Variants in SHISA5 observed in about 807,000 individuals in gnomAD.
SHISA5 encodes the protein shisa family member 5, also known as protein shisa-5.
Under a neutral mutation model 27.5 loss-of-function variants are expected in SHISA5, and 21 were observed. The observed-to-expected ratio is 0.76, with a 90% CI of 0.54 to 1.10. SHISA5 has a LOEUF of 1.10. SHISA5 is among the 50% of genes least tolerant of loss of function. The pLI is 0.00. For synonymous variants in SHISA5, 137 were observed against 142.2 expected, an observed-to-expected ratio of 0.96 and a Z score of 0.26; for missense variants, 314 against 336.3, an observed-to-expected ratio of 0.93 and a Z score of 0.52.
chr3:48,469,795 G>A lies in SHISA5; in HGVS notation c.363C>T (p.Val121=), dbSNP rs372738557. ...AVGLTIFVLS[V]VTIIICFTCS... The stretch of plus-strand genomic sequence containing the variant: ...AGGTGAAGCAGATGATGATAGTGAC[G>A]ACAGACAGCACAAAGATGGTCAGGC... Residue 121 remains valine (V), a synonymous_variant, in exon 4 of 6, where the codon GTC becomes GTT. Coordinates refer to ENST00000296444, the MANE Select transcript of SHISA5 (RefSeq NM_016479.6). The surrounding 1 kb of genome is among the most constrained non-coding windows in gnomAD (Gnocchi z 4.6). The A allele has an allele frequency of 8.7e-6, 14 of 1,613,978 alleles. No individual in the cohort carries two copies. The highest frequency in any genetic ancestry group is 6.7e-5 in the Admixed American group (4 of 59,984).
rs2040700800 is a variant in SHISA5, at chr3:48,473,127, C to A, written c.315-3284G>T. 4.8e-6 allele frequency: 7 copies of A among 1,470,940 alleles called. No individual in the cohort carries two copies. Among genetic ancestry groups the A allele is most frequent in the South Asian group, 2.7e-5 (2 of 74,648 alleles). The allele number at this position is 1,470,940 out of a possible 1,614,324, so 91.1% of individuals were successfully genotyped here. On this transcript the variant is annotated intron_variant, in intron 3 of 5. Coordinates refer to ENST00000296444, the MANE Select transcript of SHISA5 (RefSeq NM_016479.6). This position sits in a 1 kb window ranked among gnomAD's most constrained non-coding sequence, Gnocchi z 4.3. Reference sequence around the variant, plus strand: ...CCTTTTGGAGAAAAAGAAAGCAAATCTCCTCCAGATGACGTCAGCCACAGG... The same window carrying A: ...CCTTTTGGAGAAAAAGAAAGCAAATATCCTCCAGATGACGTCAGCCACAGG...
At chr3:48,496,909 G>A (rs373566759) in intron 2 of SHISA5, among the ~76,000 whole-genome samples, 162 of 152,058 alleles carry the variant, frequency 1.1e-3, no homozygotes, top group African/African-American at 3.8e-3. Flanking sequence ...TTAATGCATT[G>A]GAAAACTCAA....
chr3:48,473,126 T>C lies in SHISA5; in HGVS notation c.315-3283A>G, dbSNP rs1044751961. On this transcript the variant is annotated intron_variant, in intron 3 of 5. Coordinates refer to ENST00000296444, the MANE Select transcript of SHISA5 (RefSeq NM_016479.6). The surrounding 1 kb of genome is among the most constrained non-coding windows in gnomAD (Gnocchi z 4.3). ...CCCTTTTGGAGAAAAAGAAAGCAAATCTCCTCCAGATGACGTCAGCCACAG... is the reference window on the plus strand; with the variant it reads ...CCCTTTTGGAGAAAAAGAAAGCAAACCTCCTCCAGATGACGTCAGCCACAG... The C allele has an allele frequency of 6.8e-6, 10 of 1,468,444 alleles. No homozygotes were observed. Among genetic ancestry groups the C allele is most frequent in the Non-Finnish European group, 7.2e-6 (8 of 1,113,934 alleles). The allele number at this position is 1,468,444 out of a possible 1,614,324, so 91.0% of individuals were successfully genotyped here.
At chr3:48,494,546 G>T (rs1318864325) in intron 2 of SHISA5, among the ~76,000 whole-genome samples, 1 of 146,878 alleles carries the variant, frequency 6.8e-6, no homozygotes, top group African/African-American at 2.7e-5. Flanking sequence ...ACCCCCCCTT[G>T]GCCTCCCAAA....
At chr3:48,484,235 G>T (rs772259872) in intron 2 of SHISA5, among the ~76,000 whole-genome samples, 15 of 152,146 alleles carry the variant, frequency 9.9e-5, no homozygotes, top group Admixed American at 7.9e-4. Context: ...ATGTAAAAGC[G>T]TTATAAACAA....
In SHISA5 at chr3:48,468,876, T is replaced by G; in HGVS notation, c.*231A>C. On this transcript the variant is annotated 3_prime_UTR_variant, in exon 6 of 6. Transcript: ENST00000296444. ...AGATTTTAGGAAGCATAATTTCAGG[T>G]GAGGAAGAGAACAAAGTCTGGTCCC... 1 of 1,528,494 alleles carries G rather than the reference T, an allele frequency of 6.5e-7. No homozygotes were observed. Among genetic ancestry groups the G allele is most frequent in the South Asian group, 1.2e-5 (1 of 83,380 alleles). The allele number at this position is 1,528,494 out of a possible 1,614,324, so 94.7% of individuals were successfully genotyped here.
At chr3:48,484,604 AAAG>A (rs1175828122) in intron 2 of SHISA5, among the ~76,000 whole-genome samples, 2 of 144,518 alleles carry the variant, frequency 1.4e-5, no homozygotes, top group Non-Finnish European at 3.0e-5. Context: ...ACCAAAAAAT[AAAG>A]AAGGCCAGGC....
At chr3:48,471,027 CTTTTTT>C (rs898436563) in intron 3 of SHISA5, among the ~76,000 whole-genome samples, 58 of 151,856 alleles carry the variant, frequency 3.8e-4, no homozygotes, top group Non-Finnish European at 6.8e-4. Context: ...CATTCTTTTT[CTTTTTT>C]AATTTATTTT....
chr3:48,489,362 C>T (rs1042443023), intron 2 of SHISA5, among the ~76,000 whole-genome samples: 1 of 151,988 alleles, frequency 6.6e-6, no homozygotes, highest in African/African-American at 2.4e-5. Flanking sequence ...CACTCTGTCA[C>T]CCAAGCTGGA....
chr3:48,489,569 G>T (rs1406809182), intron 2 of SHISA5, among the ~76,000 whole-genome samples: 1 of 147,810 alleles, frequency 6.8e-6, no homozygotes, highest in Non-Finnish European at 1.5e-5. Flanking sequence ...TGATCCGCCC[G>T]CCTCGGCCTC....
chr3:48,503,958 A>G, intron 1 of SHISA5, 61 bp downstream of exon 1: 1 of 1,432,410 alleles, frequency 7.0e-7, no homozygotes, highest in East Asian at 3.0e-5. Context: ...TTGGAGAGGC[A>G]GCGCGGGGAA....
intron 1 of SHISA5, chr3:48,503,778 A>C: frequency 8.0e-7 from 1 of 1,244,660 alleles, no homozygotes; most frequent in Non-Finnish European, 1.0e-6. Flanking sequence ...ACCCCTCCCC[A>C]CCGTTCCAGG....
intron 2 of SHISA5, among the ~76,000 whole-genome samples, chr3:48,479,826 C>T (rs2040943851): frequency 1.3e-5 from 2 of 151,870 alleles, no homozygotes; most frequent in Non-Finnish European, 2.9e-5. Context: ...CTCCTGACCT[C>T]GTGATCTGCC....
chr3:48,484,941 T>C (rs1304414799), intron 2 of SHISA5, among the ~76,000 whole-genome samples: 2 of 152,008 alleles, frequency 1.3e-5, no homozygotes, highest in African/African-American at 2.4e-5. Context: ...CCTACAGGCA[T>C]GTAGTACTTT....
intron 2 of SHISA5, among the ~76,000 whole-genome samples, chr3:48,494,076 C>G (rs1292263807): frequency 6.8e-6 from 1 of 146,916 alleles, no homozygotes. Context: ...ACTTACTCCT[C>G]CTAAGTGAAA....
At chr3:48,487,054 T>C (rs1560129260) in intron 2 of SHISA5, among the ~76,000 whole-genome samples, 1 of 151,952 alleles carries the variant, frequency 6.6e-6, no homozygotes, top group Non-Finnish European at 1.5e-5. Flanking sequence ...AAGACCAGCC[T>C]GGGCAACATA....
rs2040477366 is a variant in SHISA5 at position 48,469,043 on chromosome 3, C to T, written c.*64G>A. On this transcript the variant is annotated 3_prime_UTR_variant, in exon 6 of 6. Transcript: ENST00000296444. The surrounding 1 kb of genome is among the most constrained non-coding windows in gnomAD (Gnocchi z 4.6). ...CACACATGGGGCGTAAGGAACCGCG[C>T]CTGCACACCACTCACGCACACACAC... The T allele has an allele frequency of 6.2e-7, 1 of 1,608,860 alleles. No homozygotes were observed. Among genetic ancestry groups the T allele is most frequent in the South Asian group, 1.1e-5 (1 of 91,084 alleles).
chr3:48,490,213 AC>A (rs2041381931), intron 2 of SHISA5, among the ~76,000 whole-genome samples: 1 of 152,234 alleles, frequency 6.6e-6, no homozygotes, highest in African/African-American at 2.4e-5. Context: ...AGCTGGGATT[AC>A]AGGCATGCGC....
chr3:48,475,713 C>T (rs1331006543), intron 3 of SHISA5, among the ~76,000 whole-genome samples: 1 of 152,214 alleles, frequency 6.6e-6, no homozygotes, highest in African/African-American at 2.4e-5. Flanking sequence ...GCCAGAGCTT[C>T]TGCCATTCGG....
Sources: allele counts gnomAD v4.1 joint callset (sites outside exome capture counted in the v4.1 genomes callset), GRCh38; gene constraint gnomAD v4.1.1; non-coding constraint Gnocchi (gnomAD v3.1); transcripts MANE v1.5; gene names NCBI Gene and HGNC (gene_info 2026-07-23, HGNC 2026-07-21).